Variants in SGK1 observed in about 807,000 individuals in gnomAD.
SGK1 encodes the protein serine/threonine-protein kinase Sgk1.
In SGK1, 26 loss-of-function variants were observed where a neutral mutation model predicts 64.2. The ratio of observed to expected loss-of-function variants is 0.40; its 90% confidence interval spans 0.30 to 0.56. The LOEUF is 0.56. Ranked by LOEUF, SGK1 falls within the 20% of genes least tolerant of loss-of-function variation. The pLI is 0.38. For synonymous variants in SGK1, 265 were observed against 239.7 expected (o/e 1.11, Z -0.98); for missense variants, 519 against 645.6 (o/e 0.80, Z 2.12).
chr6:134,209,993 C>T (rs569280233), intron 2 of SGK1, among the ~76,000 whole-genome samples: 39 of 152,148 alleles, frequency 2.6e-4, no homozygotes, highest in African/African-American at 7.2e-4. Context: ...GCTCTATTGA[C>T]GAAGGAAGCA....
At chr6:134,171,239 A>G (rs1260610068) in intron 11 of SGK1, 61 bp from the exon 12 acceptor site, 5 of 1,469,952 alleles carry the variant, frequency 3.4e-6, no homozygotes, top group Non-Finnish European at 2.8e-6. Flanking sequence ...ACACATTACC[A>G]GTAGAGAAAA....
Position 134,207,213 on chromosome 6 carries a change from A to G in SGK1, c.361+143T>C, listed in dbSNP as rs574748294. The G allele has an allele frequency of 9.0e-4, 546 of 606,120 alleles. 1 individual carries two copies. The highest frequency in any genetic ancestry group is 1.3e-3 in the Middle Eastern group (3 of 2,230). 37.5% of individuals were successfully genotyped at this position (606,120 alleles called of 1,614,324 possible). A position where few individuals can be genotyped will look rare whatever the true frequency, so the allele number is the denominator to read the frequency against. ...TGCCCTCCAACCTGGGCAACAGAGC[A>G]AGACTCTGTCTCAAGAAAAACAAAA... On this transcript the variant is annotated intron_variant, in intron 3 of 13. Coordinates refer to ENST00000367858, the MANE Select transcript of SGK1 (RefSeq NM_001143676.3).
chr6:134,199,234 C>T (rs1309934448), intron 3 of SGK1, among the ~76,000 whole-genome samples: 2 of 152,052 alleles, frequency 1.3e-5, no homozygotes, highest in Non-Finnish European at 2.9e-5. Context: ...GGTGATGAAA[C>T]AGTCTGCACA....
intron 1 of SGK1, among the ~76,000 whole-genome samples, chr6:134,263,482 C>T (rs1426013172): frequency 5.9e-5 from 9 of 151,806 alleles, no homozygotes; most frequent in South Asian, 4.2e-4. Flanking sequence ...GTGATCCTCC[C>T]GCCTCCCAAA....
chr6:134,179,075 AT>A (rs1354815663), intron 3 of SGK1, among the ~76,000 whole-genome samples: 31 of 152,146 alleles, frequency 2.0e-4, no homozygotes, highest in African/African-American at 7.0e-4. Context: ...GACTTTTTCC[AT>A]TTAATTTTAA....
chr6:134,229,601 G>T (rs899897897), intron 2 of SGK1, among the ~76,000 whole-genome samples: 7 of 152,144 alleles, frequency 4.6e-5, no homozygotes, highest in Non-Finnish European at 7.4e-5. Context: ...GAGGGGAAAG[G>T]TAATTCCTGA....
At position 134,170,360 on chromosome 6, in the gene SGK1, G is replaced by A. The variant is rs866837614; in HGVS notation, c.1489C>T (p.Pro497Ser). The A allele has an allele frequency of 6.2e-7, 1 of 1,614,134 alleles. No individual in the cohort carries two copies. Among genetic ancestry groups the A allele is most frequent in the Non-Finnish European group, 8.5e-7 (1 of 1,179,984 alleles). The part of the protein sequence containing the change: ...EPVPNSIGKS[P>S]DSVLVTASVK... Reference sequence around the variant, plus strand: ...CTGGCTGTGACGAGGACGCTGTCAGGGGACTTGCCAATGGAGTTGGGGACA... The same window carrying A: ...CTGGCTGTGACGAGGACGCTGTCAGAGGACTTGCCAATGGAGTTGGGGACA... The change falls in exon 14 of 14, where the codon CCT (proline) becomes TCT (serine). Residue 497 changes from proline to serine, a missense_variant. Around this residue, in one of 2 missense-constraint regions of SGK1, gnomAD observed 278 missense variants for 408.7 expected, o/e 0.68. Transcript: ENST00000367858.
chr6:134,178,967 T>A (rs959866352), intron 3 of SGK1, among the ~76,000 whole-genome samples: 23 of 150,484 alleles, frequency 1.5e-4, no homozygotes, highest in African/African-American at 2.3e-4. Context: ...TCAGAAAAAA[T>A]TTTTTCACTC....
At chr6:134,214,325 T>G (rs528860083) in intron 2 of SGK1, among the ~76,000 whole-genome samples, 1 of 152,194 alleles carries the variant, frequency 6.6e-6, no homozygotes, top group Non-Finnish European at 1.5e-5. Flanking sequence ...AAATTAAGGC[T>G]CACGCCTGTA....
At chr6:134,246,872 T>C (rs779680679) in intron 2 of SGK1, among the ~76,000 whole-genome samples, 3 of 152,202 alleles carry the variant, frequency 2.0e-5, no homozygotes, top group Non-Finnish European at 4.4e-5. Flanking sequence ...GGAGCCACTG[T>C]GCCTGGCCAA....
chr6:134,282,430 T>A (rs879340210), intron 1 of SGK1, among the ~76,000 whole-genome samples: 1 of 152,150 alleles, frequency 6.6e-6, no homozygotes, highest in Non-Finnish European at 1.5e-5. Context: ...GGAGGGCGGA[T>A]CACTTGAGGT....
chr6:134,277,353 G>A (rs556393729), intron 1 of SGK1, among the ~76,000 whole-genome samples: 20 of 151,928 alleles, frequency 1.3e-4, no homozygotes, highest in Non-Finnish European at 2.2e-4. Context: ...AACAAAAACC[G>A]AACCAACAAA....
intron 3 of SGK1, among the ~76,000 whole-genome samples, chr6:134,199,083 G>C (rs142612343): frequency 1.5e-3 from 223 of 152,054 alleles, no homozygotes; most frequent in African/African-American, 5.0e-3. Flanking sequence ...TGAACTATGA[G>C]AAAACATATA....
chr6:134,174,409 C>T (rs1775140624), intron 4 of SGK1, 102 bp downstream of exon 4: 8 of 778,930 alleles, frequency 1.0e-5, no homozygotes, highest in Middle Eastern at 2.9e-4. Flanking sequence ...ATCCCCACCC[C>T]AGAAGAAGTC....
chr6:134,173,483 G>T lies in SGK1; in HGVS notation c.597C>A (p.Ile199=). The T allele has an allele frequency of 1.2e-6, 2 of 1,611,466 alleles. No homozygotes were observed. Among genetic ancestry groups the T allele is most frequent in the Non-Finnish European group, 1.7e-6 (2 of 1,179,074 alleles). The change falls in exon 6 of 14, where the codon ATC becomes ATA. Residue 199 remains isoleucine (I), a synonymous_variant. Coordinates refer to ENST00000367858, the MANE Select transcript of SGK1 (RefSeq NM_001143676.3). Reference sequence around the variant, plus strand: ...TTACCTTTCCAAAACTGCCCTTTCCGATCACTTTCAAGAAGTGAAAGTCAG... The same window carrying T: ...TTACCTTTCCAAAACTGCCCTTTCCTATCACTTTCAAGAAGTGAAAGTCAG... ...KPSDFHFLKV[I]GKGSFGKVLL...
At chr6:134,292,674 C>T (rs773908301) in intron 1 of SGK1, among the ~76,000 whole-genome samples, 2 of 151,944 alleles carry the variant, frequency 1.3e-5, no homozygotes, top group African/African-American at 4.8e-5. Context: ...TAAGTAGATA[C>T]AGAAAAGTGA....
At chr6:134,206,954 G>T (rs563510521) in intron 3 of SGK1, among the ~76,000 whole-genome samples, 3 of 151,958 alleles carry the variant, frequency 2.0e-5, no homozygotes, top group Non-Finnish European at 2.9e-5. Flanking sequence ...GGCCGGGCGC[G>T]GTGGCTCACG....
At chr6:134,206,969 T>G (rs1317063587) in intron 3 of SGK1, among the ~76,000 whole-genome samples, 2 of 151,960 alleles carry the variant, frequency 1.3e-5, no homozygotes, top group Non-Finnish European at 2.9e-5. Flanking sequence ...CTCACGCCTG[T>G]AATCCCAGCA....
chr6:134,170,286 G>A lies in SGK1; in HGVS notation c.1563C>T (p.Pro521=). ...EAFLGFSYAP[P]TDSFL is the part of the protein sequence containing the mutation. ...ACAGGGTTCAGAGGAAAGAGTCCGT[G>A]GGAGGCGCATAGGAAAAGCCTAGGA... The change falls in exon 14 of 14, where the codon CCC becomes CCT. Residue 521 remains proline, a synonymous_variant. Coordinates refer to ENST00000367858, the MANE Select transcript of SGK1 (RefSeq NM_001143676.3). 6.2e-7 allele frequency: 1 copy of A among 1,613,266 alleles called. No individual in the cohort carries two copies. The highest frequency in any genetic ancestry group is 8.5e-7 in the Non-Finnish European group (1 of 1,179,412).
Sources: allele counts gnomAD v4.1 joint callset (sites outside exome capture counted in the v4.1 genomes callset), GRCh38; gene constraint gnomAD v4.1.1; regional missense constraint gnomAD v4.1.1; transcripts MANE v1.5; gene names NCBI Gene and HGNC (gene_info 2026-07-23, HGNC 2026-07-21).